Variants in PCDHGA1 observed in about 807,000 individuals in gnomAD.
The protein encoded by PCDHGA1 is protocadherin gamma subfamily A, 1, also known as protocadherin gamma-A1.
Under a neutral mutation model 58.0 loss-of-function variants are expected in PCDHGA1, and 32 were observed. The observed-to-expected ratio is 0.55, with a 90% CI of 0.42 to 0.74. PCDHGA1 has a LOEUF of 0.74. Among genes scored for constraint, PCDHGA1 ranks in the 30% least tolerant of loss-of-function variants. PCDHGA1 has a pLI of 0.00. For synonymous variants in PCDHGA1, 498 were observed against 501.1 expected, an observed-to-expected ratio of 0.99 and a Z score of 0.08; for missense variants, 1,205 against 1,182.3, an observed-to-expected ratio of 1.02 and a Z score of -0.28.
chr5:141,358,814 G>A (rs1210992223), intron 1 of PCDHGA1, among the ~76,000 whole-genome samples: 1 of 152,204 alleles, frequency 6.6e-6, no homozygotes. Context: ...GATTTACGCT[G>A]CTTAGTAAGG....
intron 1 of PCDHGA1, chr5:141,341,581 T>A: frequency 8.5e-7 from 1 of 1,181,758 alleles, no homozygotes; most frequent in Non-Finnish European, 1.2e-6. Context: ...AGAAGAGACG[T>A]GAGAATCTTT....
chr5:141,417,954 C>G, intron 1 of PCDHGA1: 2 of 1,613,600 alleles, frequency 1.2e-6, no homozygotes, highest in South Asian at 1.1e-5. Flanking sequence ...CTGTGTGAGC[C>G]GATCCGCTAC....
chr5:141,341,637 G>C (rs981604478), intron 1 of PCDHGA1: 10 of 779,414 alleles, frequency 1.3e-5, no homozygotes, highest in African/African-American at 3.5e-5. Context: ...ATTATCCAAA[G>C]AGCACTGCAT....
chr5:141,410,352 G>T (rs754268147), intron 1 of PCDHGA1: 4 of 1,614,022 alleles, frequency 2.5e-6, no homozygotes, highest in South Asian at 2.2e-5. Flanking sequence ...CGCCTGCGAC[G>T]CTCTCTCAGC....
intron 1 of PCDHGA1, among the ~76,000 whole-genome samples, chr5:141,425,915 C>G (rs537499239): frequency 1.3e-5 from 2 of 152,336 alleles, no homozygotes; most frequent in East Asian, 3.9e-4. Context: ...AAAACAGTCA[C>G]TACGAAAACT....
chr5:141,383,755 C>T, intron 1 of PCDHGA1: 1 of 1,613,958 alleles, frequency 6.2e-7, no homozygotes, highest in Non-Finnish European at 8.5e-7. Context: ...GAAAATAACT[C>T]CTAAACTTCC....
Position 141,487,831 on chromosome 5 carries a change from A to G in PCDHGA1, c.2422-6976A>G, listed in dbSNP as rs1001896359. ...TTAGCATTGGGGGCGGGTCATGCCTATATCTGAGTAAGAAATGAAAGTAAT... is the reference window on the plus strand; with the variant it reads ...TTAGCATTGGGGGCGGGTCATGCCTGTATCTGAGTAAGAAATGAAAGTAAT... On this transcript the variant is annotated intron_variant, in intron 1 of 3. Transcript: ENST00000517417. This position sits in a 1 kb window ranked among gnomAD's most constrained non-coding sequence, Gnocchi z 5.0. The G allele has an allele frequency of 1.1e-5, 13 of 1,144,204 alleles. No homozygotes were observed. Among genetic ancestry groups the G allele is most frequent in the Non-Finnish European group, 1.6e-5 (13 of 818,302 alleles). 70.9% of individuals were successfully genotyped at this position (1,144,204 alleles called of 1,614,324 possible). A position where few individuals can be genotyped will look rare whatever the true frequency, so the allele number is the denominator to read the frequency against.
chr5:141,459,171 A>G (rs2098962477), intron 1 of PCDHGA1, among the ~76,000 whole-genome samples: 1 of 152,180 alleles, frequency 6.6e-6, no homozygotes, highest in Non-Finnish European at 1.5e-5. Flanking sequence ...ATAACCTTCA[A>G]AAGTTCCCTC....
chr5:141,355,294 C>G, intron 1 of PCDHGA1: 1 of 1,613,896 alleles, frequency 6.2e-7, no homozygotes, highest in Non-Finnish European at 8.5e-7. Flanking sequence ...CGAACAGATT[C>G]TCTACTCGGT....
Position 141,489,089 on chromosome 5 carries a change from A to G in PCDHGA1, c.2422-5718A>G. 5.6e-5 allele frequency: 16 copies of G among 284,404 alleles called. No individual in the cohort carries two copies. The highest frequency in any genetic ancestry group is 9.0e-5 in the Non-Finnish European group (14 of 156,416). The allele number at this position is 284,404 out of a possible 1,614,324, so 17.6% of individuals were successfully genotyped here. On this transcript the variant is annotated intron_variant, in intron 1 of 3. Coordinates refer to ENST00000517417, the MANE Select transcript of PCDHGA1 (RefSeq NM_018912.3). The surrounding 1 kb of genome is among the most constrained non-coding windows in gnomAD (Gnocchi z 4.5). ...CCCTGCCCACCCCCGCCACTCGGTG[A>G]CTAAGAACTGCTGCAAGCAGGCAAA...
chr5:141,404,917 G>T (rs750464541), intron 1 of PCDHGA1: 6 of 1,613,652 alleles, frequency 3.7e-6, no homozygotes, highest in East Asian at 2.2e-5. Flanking sequence ...CCCCTCTCTC[G>T]GCCACTGTCA....
intron 1 of PCDHGA1, chr5:141,415,051 C>G: frequency 6.2e-7 from 1 of 1,613,458 alleles, no homozygotes; most frequent in Non-Finnish European, 8.5e-7. Context: ...GGTGGGGGAG[C>G]ACACGGGCGA....
At chr5:141,478,740 C>T (rs2099474176) in intron 1 of PCDHGA1, 7 of 1,531,524 alleles carry the variant, frequency 4.6e-6, no homozygotes, top group Non-Finnish European at 6.2e-6. Flanking sequence ...GGTTTGTGGT[C>T]CCATTTCAGG....
In PCDHGA1 at chr5:141,332,842, C is replaced by T. The variant is rs373869448; in HGVS notation, c.2158C>T (p.His720Tyr). 1.4e-5 allele frequency: 22 copies of T among 1,614,120 alleles called. No individual in the cohort carries two copies. Among genetic ancestry groups the T allele is most frequent in the Non-Finnish European group, 1.9e-5 (22 of 1,180,062 alleles). The change falls in exon 1 of 4, where the codon CAC (histidine) becomes TAC (tyrosine). Residue 720 changes from histidine (H) to tyrosine (Y), a missense_variant. His to Tyr is a moderately conservative substitution (Grantham distance 83). Transcript: ENST00000517417. The surrounding 1 kb of genome is among the most constrained non-coding windows in gnomAD (Gnocchi z 4.6). ...VLLAHRLRRW[H>Y]KSRLLQASGG... ...GCTGGCGCACAGGCTGCGGCGCTGG[C>T]ACAAGTCACGTCTGCTACAGGCTTC...
rs1032345173 is a variant in PCDHGA1 at position 141,468,852 on chromosome 5, C to T, written c.2422-25955C>T. Among the ~76,000 whole-genome samples the T allele has an allele frequency of 7.2e-5, 11 of 151,868 alleles. No individual in the cohort carries two copies. In the East Asian group the frequency reaches 9.7e-4, roughly 13 times the overall value. On this transcript the variant is annotated intron_variant, in intron 1 of 3. Transcript: ENST00000517417. ...CTGCACTCCAGCCTGGGCAACAGAG[C>T]GAGACTCCATCTCAAAAATAATAAT... is the stretch of plus-strand genomic sequence containing the variant.
rs746046310 is a variant in PCDHGA1, at chr5:141,410,427, A to C, written c.2421+77322A>C. The C allele has an allele frequency of 1.9e-6, 3 of 1,613,714 alleles. No homozygotes were observed. The Admixed American group carries it at 5.0e-5, about 27-fold the overall frequency. On this transcript the variant is annotated intron_variant, in intron 1 of 3. Coordinates refer to ENST00000517417, the MANE Select transcript of PCDHGA1 (RefSeq NM_018912.3). ...AAGTCTGGACCTGTAGTTCCCCCCA[A>C]CTACAGTGAGGGGACTTTGCCTTAT...
chr5:141,449,900 A>G (rs2098658617), intron 1 of PCDHGA1, among the ~76,000 whole-genome samples: 2 of 151,878 alleles, frequency 1.3e-5, no homozygotes, highest in South Asian at 2.1e-4. Context: ...TATTTAGCCT[A>G]TAGTCCATAT....
intron 1 of PCDHGA1, chr5:141,350,551 T>A: frequency 1.2e-6 from 2 of 1,614,040 alleles, no homozygotes; most frequent in Non-Finnish European, 1.7e-6. Flanking sequence ...GAAGGAAACT[T>A]GAGTGTGCAC....
chr5:141,369,897 C>G (rs988616109), intron 1 of PCDHGA1, among the ~76,000 whole-genome samples: 1 of 152,098 alleles, frequency 6.6e-6, no homozygotes, highest in Non-Finnish European at 1.5e-5. Context: ...ATTATTATGA[C>G]CATTTTATGA....
Sources: allele counts gnomAD v4.1 joint callset (sites outside exome capture counted in the v4.1 genomes callset), GRCh38; gene constraint gnomAD v4.1.1; non-coding constraint Gnocchi (gnomAD v3.1); transcripts MANE v1.5; gene names NCBI Gene and HGNC (gene_info 2026-07-23, HGNC 2026-07-21).